PPP2R5D: variants seen among roughly 807,000 people sequenced by gnomAD.
PPP2R5D encodes the protein protein phosphatase 2 regulatory subunit B'delta, also known as serine/threonine-protein phosphatase 2A 56 kDa regulatory subunit delta isoform.
PPP2R5D carries 12 observed loss-of-function variants against 79.1 expected under a neutral mutation model. The observed-to-expected ratio is 0.15, with a 90% confidence interval of 0.10 to 0.25. The LOEUF (loss-of-function observed/expected upper bound fraction) is 0.25. PPP2R5D is among the 10% of genes least tolerant of loss of function. The pLI is 1.00. For synonymous variants in PPP2R5D, 277 were observed against 286.6 expected (o/e 0.97, Z 0.34); for missense variants, 419 against 760.2 (o/e 0.55, Z 5.28).
intron 2 of PPP2R5D, among the ~76,000 whole-genome samples, chr6:43,002,847 G>A (rs1031413104): frequency 1.3e-5 from 2 of 152,216 alleles, no homozygotes; most frequent in East Asian, 1.9e-4. Context: ...GAGCTGGAGA[G>A]GAGCGGGAGA....
Position 43,009,747 on chromosome 6 carries a change from CTTCT to C in PPP2R5D, c.1379+301_1379+304del, listed in dbSNP as rs1161596907. ...CTATGCAGTGAGAAGCTGATGTGAC[CTTCT>C]TTGAGAGTATGTGTAAAGAATCCCA... On this transcript the variant is annotated intron_variant, in intron 12 of 15. Transcript: ENST00000485511. The surrounding 1 kb of genome is among the most constrained non-coding windows in gnomAD (Gnocchi z 5.6). Among the ~76,000 whole-genome samples, 5 of 152,118 alleles carry C rather than the reference CTTCT, an allele frequency of 3.3e-5. No individual in the cohort carries two copies. Among genetic ancestry groups the C allele is most frequent in the African/African-American group, 1.2e-4 (5 of 41,424 alleles).
At chr6:42,992,835 A>C (rs542695389) in intron 2 of PPP2R5D, among the ~76,000 whole-genome samples, 1 of 152,036 alleles carries the variant, frequency 6.6e-6, no homozygotes, top group East Asian at 1.9e-4. Context: ...AAAACAAAAC[A>C]AAACAAATTA....
In PPP2R5D at chr6:43,011,308, G is replaced by A; in HGVS notation, c.*22G>A. On this transcript the variant is annotated 3_prime_UTR_variant, in exon 16 of 16. Transcript: ENST00000485511. The stretch of plus-strand genomic sequence containing the variant: ...CTGACCCCTCACGTTCCTACCACAG[G>A]GCCACAGCCCACACAGCCCTGGGAC... 1.2e-6 allele frequency: 2 copies of A among 1,613,110 alleles called. No individual in the cohort carries two copies. Among genetic ancestry groups the A allele is most frequent in the East Asian group, 2.2e-5 (1 of 44,876 alleles).
Position 43,009,203 on chromosome 6 carries a change from G to A in PPP2R5D, c.1227G>A (p.Lys409=), listed in dbSNP as rs777160376. Residue 409 remains lysine (K), a synonymous_variant, in exon 11 of 16, where the codon AAG becomes AAA. Coordinates refer to ENST00000485511, the MANE Select transcript of PPP2R5D (RefSeq NM_006245.4). This position sits in a 1 kb window ranked among gnomAD's most constrained non-coding sequence, Gnocchi z 5.6. ...AACCCCTCTTCCGCCAGCTGGCCAA[G>A]TGTGTCTCTAGCCCCCATTTCCAGG... ...VMEPLFRQLA[K]CVSSPHFQVA... is the part of the protein sequence containing the mutation. The A allele has an allele frequency of 2.5e-6, 4 of 1,614,192 alleles. No individual in the cohort carries two copies. The highest frequency in any genetic ancestry group is 3.4e-6 in the Non-Finnish European group (4 of 1,180,032).
intron 2 of PPP2R5D, among the ~76,000 whole-genome samples, chr6:42,998,157 C>G (rs1302228529): frequency 1.5e-5 from 2 of 135,676 alleles, no homozygotes; most frequent in East Asian, 4.7e-4. Flanking sequence ...TCACTGCAAC[C>G]TCTGCCTCCC....
chr6:43,003,491 A>G (rs1450295176), intron 2 of PPP2R5D, among the ~76,000 whole-genome samples: 1 of 152,200 alleles, frequency 6.6e-6, no homozygotes, highest in Admixed American at 6.6e-5. Flanking sequence ...TCCCATTATA[A>G]AAGCAGTATC....
At position 43,007,556 on chromosome 6, in the gene PPP2R5D, C is replaced by T. The variant is rs965779632; in HGVS notation, c.726+50C>T. 2 of 1,486,798 alleles carry T rather than the reference C, an allele frequency of 1.3e-6. No individual in the cohort carries two copies. The allele number at this position is 1,486,798 out of a possible 1,614,324, so 92.1% of individuals were successfully genotyped here. On this transcript the variant is annotated intron_variant, in intron 6 of 15. Coordinates refer to ENST00000485511, the MANE Select transcript of PPP2R5D (RefSeq NM_006245.4). This position sits in a 1 kb window ranked among gnomAD's most constrained non-coding sequence, Gnocchi z 4.5. Reference sequence around the variant, plus strand: ...GCCCTCTCTTTCCATTCCATGCCCCCTTCATCTGTGTCCCAGTGGCTCTTT... The same window carrying T: ...GCCCTCTCTTTCCATTCCATGCCCCTTTCATCTGTGTCCCAGTGGCTCTTT...
Position 43,007,484 on chromosome 6 carries a change from T to C in PPP2R5D, c.704T>C (p.Ile235Thr). 1.2e-6 allele frequency: 2 copies of C among 1,612,676 alleles called. No individual in the cohort carries two copies. Among genetic ancestry groups the C allele is most frequent in the Non-Finnish European group, 1.7e-6 (2 of 1,178,690 alleles). ...DFQPNIAKKYIDQKFVLALLD... is the reference protein window; with the variant it reads ...DFQPNIAKKYTDQKFVLALLD... The stretch of plus-strand genomic sequence containing the variant: ...CAGCCAAACATAGCCAAGAAGTACA[T>C]CGACCAGAAGTTTGTACTTGCTGTG... The change falls in exon 6 of 16, where the codon ATC (isoleucine) becomes ACC (threonine). Residue 235 changes from isoleucine (I) to threonine (T), a missense_variant. Ile to Thr is a moderately conservative substitution (Grantham distance 89). Around this residue, in one of 5 missense-constraint regions of PPP2R5D, gnomAD observed 196 missense variants for 424.5 expected, o/e 0.46. Transcript: ENST00000485511. This position sits in a 1 kb window ranked among gnomAD's most constrained non-coding sequence, Gnocchi z 4.5.
intron 2 of PPP2R5D, among the ~76,000 whole-genome samples, chr6:43,001,514 T>C (rs928226540): frequency 2.0e-5 from 3 of 152,152 alleles, no homozygotes; most frequent in African/African-American, 7.2e-5. Context: ...AAGGAGATTC[T>C]AGGCTGCATT....
intron 2 of PPP2R5D, among the ~76,000 whole-genome samples, chr6:42,999,911 C>T (rs923938805): frequency 3.3e-5 from 5 of 151,834 alleles, no homozygotes; most frequent in Admixed American, 6.6e-5. Context: ...CCGGAATAAT[C>T]GTTGGGAAAC....
chr6:42,999,132 C>T (rs111709762), intron 2 of PPP2R5D, among the ~76,000 whole-genome samples: 13 of 152,076 alleles, frequency 8.5e-5, no homozygotes, highest in Non-Finnish European at 1.8e-4. Context: ...CAGTGTCCAC[C>T]CCTGCTTTGA....
intron 2 of PPP2R5D, among the ~76,000 whole-genome samples, chr6:43,004,467 T>C (rs1761948186): frequency 6.6e-6 from 1 of 152,202 alleles, no homozygotes; most frequent in African/African-American, 2.4e-5. Flanking sequence ...GGAATGCAAC[T>C]CTTAGCTCTT....
rs1303327711 is a variant in PPP2R5D at position 43,009,946 on chromosome 6, G to A, written c.1379+497G>A. On this transcript the variant is annotated intron_variant, in intron 12 of 15. Coordinates refer to ENST00000485511, the MANE Select transcript of PPP2R5D (RefSeq NM_006245.4). This position sits in a 1 kb window ranked among gnomAD's most constrained non-coding sequence, Gnocchi z 5.6. ...TAGCTGGGTGTAGTGGTGGATGCCT[G>A]TAGTCCCAGCTACTTGGGAGGCTGA... 6.6e-6 allele frequency among the ~76,000 whole-genome samples: 1 copy of A among 152,162 alleles called. No individual in the cohort carries two copies. Among genetic ancestry groups the A allele is most frequent in the African/African-American group, 2.4e-5 (1 of 41,418 alleles).
chr6:42,989,641 A>C lies in PPP2R5D; in HGVS notation c.58A>C (p.Lys20Gln). 1 of 1,614,052 alleles carries C rather than the reference A, an allele frequency of 6.2e-7. No homozygotes were observed. The highest frequency in any genetic ancestry group is 8.5e-7 in the Non-Finnish European group (1 of 1,179,940). The change falls in exon 2 of 16, where the codon AAG becomes CAG. Residue 20 changes from lysine (K) to glutamine (Q), a missense_variant. By Grantham distance (53) the Lys-to-Gln change is moderately conservative (BLOSUM62 1). Transcript: ENST00000485511. ...EPPKVAKCTAKPSSSGKDGGG... is the reference protein window; with the variant it reads ...EPPKVAKCTAQPSSSGKDGGG... ...CCCCAAGGTTGCCAAATGCACAGCC[A>C]AGCCTAGCAGCTCGGGCAAGGATGG...
intron 2 of PPP2R5D, among the ~76,000 whole-genome samples, chr6:42,998,209 GGAA>G (rs1393421188): frequency 6.7e-6 from 1 of 148,730 alleles, no homozygotes; most frequent in Non-Finnish European, 1.5e-5. Context: ...TGAGTAGCTG[GGAA>G]TACAGGTGCG....
intron 2 of PPP2R5D, among the ~76,000 whole-genome samples, chr6:42,996,504 GA>G (rs990268555): frequency 1.3e-5 from 2 of 149,264 alleles, no homozygotes; most frequent in Non-Finnish European, 3.0e-5. Flanking sequence ...GGCCAAAAAA[GA>G]AAAAAAAACA....
intron 2 of PPP2R5D, among the ~76,000 whole-genome samples, chr6:42,994,056 C>A (rs1329249545): frequency 6.6e-6 from 1 of 152,186 alleles, no homozygotes. Flanking sequence ...CCTGTAATCC[C>A]AGCACTTTGG....
chr6:43,011,110 T>A (rs1762331476), intron 15 of PPP2R5D, 39 bp from the exon 16 acceptor site: 5 of 1,613,652 alleles, frequency 3.1e-6, no homozygotes, highest in Non-Finnish European at 4.2e-6. Context: ...TCACTGGGAA[T>A]TGGTCACCAT....
intron 1 of PPP2R5D, among the ~76,000 whole-genome samples, chr6:42,986,613 G>A (rs941786836): frequency 5.3e-5 from 8 of 151,930 alleles, no homozygotes; most frequent in African/African-American, 9.7e-5. Flanking sequence ...GTGGGCATGC[G>A]GAGGTGGTTT....
Sources: gnomAD v4.1 joint callset for allele counts (sites outside exome capture counted in the v4.1 genomes callset) on GRCh38, gnomAD v4.1.1 for gene constraint, gnomAD v4.1.1 regional missense constraint, Gnocchi (gnomAD v3.1) non-coding constraint, MANE v1.5 for transcripts, NCBI Gene and HGNC (gene_info 2026-07-23, HGNC 2026-07-21) for gene names.